CHMP4B: variants seen among roughly 807,000 people sequenced by gnomAD.
CHMP4B encodes the protein charged multivesicular body protein 4B.
A neutral mutation model predicts 25.1 loss-of-function variants in CHMP4B; 1 was observed. The observed-to-expected ratio is 0.04, with a 90% CI of 0.01 to 0.19. CHMP4B has a LOEUF of 0.19. Among genes scored for constraint, CHMP4B ranks in the 10% least tolerant of loss-of-function variants. The pLI is 1.00. For missense variants in CHMP4B, 151 were observed against 289.7 expected (o/e 0.52, Z 3.48); for synonymous variants, 101 against 115.6 (o/e 0.87, Z 0.81).
At chr20:33,850,830 T>C in intron 2 of CHMP4B, 122 bp from the exon 3 acceptor site, 1 of 736,966 alleles carries the variant, frequency 1.4e-6, no homozygotes, top group South Asian at 1.4e-5. Flanking sequence ...CAGGGAGTCA[T>C]TGCAGGGGGT....
At chr20:33,838,224 C>T (rs963973318) in intron 1 of CHMP4B, among the ~76,000 whole-genome samples, 3 of 152,234 alleles carry the variant, frequency 2.0e-5, no homozygotes, top group African/African-American at 7.2e-5. Context: ...AACTTGAACA[C>T]AGCCTTAACT....
chr20:33,814,968 GTCA>G (rs1218048686), intron 1 of CHMP4B, among the ~76,000 whole-genome samples: 3 of 151,954 alleles, frequency 2.0e-5, no homozygotes, highest in Non-Finnish European at 4.4e-5. Flanking sequence ...AAAGCAGAGA[GTCA>G]TCATATCTGT....
Position 33,812,178 on chromosome 20 carries a change from T to C in CHMP4B, c.190+520T>C, listed in dbSNP as rs1568603844. Among the ~76,000 whole-genome samples the C allele has an allele frequency of 2.0e-5, 3 of 152,344 alleles. No homozygotes were observed. In the East Asian group the frequency reaches 5.8e-4, roughly 29 times the overall value. ...CTCCTTGCTGGAGAGAAAAGGGGACTGGGGGAGATGAGACCCCCGATTCCT... is the reference window on the plus strand; with the variant it reads ...CTCCTTGCTGGAGAGAAAAGGGGACCGGGGGAGATGAGACCCCCGATTCCT... On this transcript the variant is annotated intron_variant, in intron 1 of 4. Transcript: ENST00000217402.
chr20:33,848,077 C>T (rs1051323033), intron 1 of CHMP4B, among the ~76,000 whole-genome samples: 1 of 151,394 alleles, frequency 6.6e-6, no homozygotes, highest in Admixed American at 6.6e-5. Context: ...TGTTTACATA[C>T]AGTATGTCAT....
intron 2 of CHMP4B, among the ~76,000 whole-genome samples, chr20:33,850,260 CAGG>C (rs752029285): frequency 2.0e-5 from 3 of 152,298 alleles, no homozygotes; most frequent in East Asian, 1.9e-4. Flanking sequence ...TGTGAGGTTG[CAGG>C]AGAAGTAGCC....
rs776803113 is a variant in CHMP4B at position 33,850,958 on chromosome 20, C to T, written c.375C>T (p.Ile125=). 2.2e-5 allele frequency: 36 copies of T among 1,611,040 alleles called. No individual in the cohort carries two copies. In the South Asian group the frequency reaches 3.4e-4, roughly 15 times the overall value. The part of the protein sequence containing the change: ...AMKAAHDNMD[I]DKVDELMQDI... ...CTGTCCATTGCATTTGAAGGGACAT[C>T]GATAAAGTTGATGAGTTAATGCAGG... The change falls in exon 3 of 5, where the codon ATC becomes ATT. Residue 125 remains isoleucine, a synonymous_variant. Transcript: ENST00000217402.
chr20:33,820,011 CA>C (rs374709271), intron 1 of CHMP4B, among the ~76,000 whole-genome samples: 27 of 143,260 alleles, frequency 1.9e-4, no homozygotes, highest in African/African-American at 3.1e-4. Context: ...ACTAAAAATA[CA>C]AAAAAAAAAA....
intron 1 of CHMP4B, among the ~76,000 whole-genome samples, chr20:33,818,371 C>T (rs1440832085): frequency 6.6e-6 from 1 of 152,216 alleles, no homozygotes; most frequent in Non-Finnish European, 1.5e-5. Context: ...GTTCATCTCA[C>T]CCAGCCACCC....
chr20:33,831,031 C>T (rs1979233602), intron 1 of CHMP4B, among the ~76,000 whole-genome samples: 1 of 145,164 alleles, frequency 6.9e-6, no homozygotes, highest in African/African-American at 2.5e-5. Flanking sequence ...GCCTGGACCT[C>T]CACAGCTCAA....
At chr20:33,826,484 G>C (rs1041694065) in intron 1 of CHMP4B, among the ~76,000 whole-genome samples, 5 of 152,138 alleles carry the variant, frequency 3.3e-5, no homozygotes, top group Admixed American at 6.5e-5. Context: ...TGAATTTAGC[G>C]AGACACATAC....
chr20:33,830,467 C>G (rs1009441396), intron 1 of CHMP4B, among the ~76,000 whole-genome samples: 3 of 152,304 alleles, frequency 2.0e-5, no homozygotes, highest in African/African-American at 7.2e-5. Flanking sequence ...GAGACTCAGT[C>G]GATGGTCAAG....
At chr20:33,837,244 C>G (rs1048709120) in intron 1 of CHMP4B, among the ~76,000 whole-genome samples, 3 of 151,926 alleles carry the variant, frequency 2.0e-5, no homozygotes, top group Admixed American at 1.3e-4. Flanking sequence ...ACAGCTATTT[C>G]GGAGGCTGAG....
At chr20:33,848,719 G>A (rs1454742566) in intron 2 of CHMP4B, 75 bp downstream of exon 2, 1 of 1,509,360 alleles carries the variant, frequency 6.6e-7, no homozygotes, top group African/African-American at 1.4e-5. Context: ...CATGGCCTTG[G>A]GCAGACGGAT....
At chr20:33,814,044 T>C (rs1021971841) in intron 1 of CHMP4B, among the ~76,000 whole-genome samples, 6 of 152,326 alleles carry the variant, frequency 3.9e-5, no homozygotes, top group African/African-American at 1.4e-4. Flanking sequence ...TCTGCAGTTT[T>C]GGCGATCGAA....
chr20:33,826,330 T>A (rs981644571), intron 1 of CHMP4B, among the ~76,000 whole-genome samples: 34 of 152,194 alleles, frequency 2.2e-4, no homozygotes, highest in African/African-American at 8.2e-4. Flanking sequence ...GTACAGAGAT[T>A]AGCATATGCT....
At chr20:33,840,949 A>G (rs1421238350) in intron 1 of CHMP4B, among the ~76,000 whole-genome samples, 6 of 152,208 alleles carry the variant, frequency 3.9e-5, no homozygotes, top group Non-Finnish European at 8.8e-5. Context: ...AAGCTAGACA[A>G]CTGGACTCCC....
rs767032910 is a variant in CHMP4B, at chr20:33,811,503, G to C, written c.35G>C (p.Gly12Ala). The change falls in exon 1 of 5, where the codon GGG becomes GCG. Residue 12 changes from glycine (G) to alanine (A), a missense_variant. By Grantham distance (60) the Gly-to-Ala change is moderately conservative. Transcript: ENST00000217402. ...TTCGGGAAGCTGTTCGGGGCTGGAG[G>C]GGGTAAGGCCGGCAAGGGCGGCCCG... is the stretch of plus-strand genomic sequence containing the variant. ...SVFGKLFGAG[G>A]GKAGKGGPTP... is the part of the protein sequence containing the mutation. 38 of 1,595,934 alleles carry C rather than the reference G, an allele frequency of 2.4e-5. 1 individual carries two copies. The highest frequency in any genetic ancestry group is 1.1e-4 in the Admixed American group (6 of 56,768).
intron 1 of CHMP4B, among the ~76,000 whole-genome samples, chr20:33,823,572 C>G (rs974745920): frequency 3.1e-4 from 47 of 152,262 alleles, no homozygotes; most frequent in African/African-American, 1.1e-3. Flanking sequence ...GAGTCTCACT[C>G]TGTTGCCCAG....
chr20:33,814,673 G>A (rs1298146536), intron 1 of CHMP4B, among the ~76,000 whole-genome samples: 2 of 152,152 alleles, frequency 1.3e-5, no homozygotes, highest in Non-Finnish European at 2.9e-5. Flanking sequence ...TTCACTTTAA[G>A]CAACAGGGTC....
Sources: allele counts gnomAD v4.1 joint callset (sites outside exome capture counted in the v4.1 genomes callset), GRCh38; gene constraint gnomAD v4.1.1; transcripts MANE v1.5; gene names NCBI Gene and HGNC (gene_info 2026-07-23, HGNC 2026-07-21).